CCDC134: variants seen among roughly 807,000 people sequenced by gnomAD.
CCDC134 encodes coiled-coil domain containing 134, also known as coiled-coil domain-containing protein 134.
A neutral mutation model predicts 25.6 loss-of-function variants in CCDC134; 27 were observed. The ratio of observed to expected loss-of-function variants is 1.05; its 90% confidence interval spans 0.78 to 1.45. The LOEUF (loss-of-function observed/expected upper bound fraction) is 1.45. Among genes scored for constraint, CCDC134 ranks in the 40% most tolerant of loss-of-function variants. The pLI is 0.00. For synonymous variants in CCDC134, 110 were observed against 115.0 expected (o/e 0.96, Z 0.28); for missense variants, 261 against 286.7 (o/e 0.91, Z 0.65).
chr22:41,802,641 G>A lies in CCDC134; in HGVS notation c.-17+1875G>A, dbSNP rs920413222. On this transcript the variant is annotated intron_variant, in intron 1 of 6. Coordinates refer to ENST00000255784, the MANE Select transcript of CCDC134 (RefSeq NM_024821.5). ...AAATATATATAAATAACATCCGGGC[G>A]CGGTGGCTCACACCTGTAATCCCAG... Among the ~76,000 whole-genome samples, 87 of 152,122 alleles carry A rather than the reference G, an allele frequency of 5.7e-4. 1 individual carries two copies. The highest frequency in any genetic ancestry group is 5.0e-3 in the Admixed American group (76 of 15,270).
At chr22:41,810,860 T>G (rs1204636286) in intron 4 of CCDC134, among the ~76,000 whole-genome samples, 1 of 152,128 alleles carries the variant, frequency 6.6e-6, no homozygotes, top group African/African-American at 2.4e-5. Flanking sequence ...TAGTAGATAC[T>G]TTACAACCAT....
At chr22:41,809,014 T>A in intron 2 of CCDC134, 21 bp downstream of exon 2, 1 of 1,580,382 alleles carries the variant, frequency 6.3e-7, no homozygotes, top group South Asian at 1.1e-5. Flanking sequence ...GGGTTGTAGT[T>A]AATGAGCTGT....
chr22:41,807,002 C>T (rs918257536), intron 1 of CCDC134, among the ~76,000 whole-genome samples: 2 of 152,070 alleles, frequency 1.3e-5, no homozygotes, highest in South Asian at 4.1e-4. Flanking sequence ...GAGCCGAGAT[C>T]GTGCCATTGC....
In CCDC134 at chr22:41,827,879, G is replaced by A. The variant is rs900094719; in HGVS notation, c.*2056G>A. 6.6e-6 allele frequency among the ~76,000 whole-genome samples: 1 copy of A among 152,208 alleles called. No individual in the cohort carries two copies. Among genetic ancestry groups the A allele is most frequent in the Non-Finnish European group, 1.5e-5 (1 of 68,032 alleles). The stretch of plus-strand genomic sequence containing the variant: ...CCCTGCCGGAAGGACCAGGCCAGTC[G>A]CTGTCCTTTTCATGCTAGAGAGTGG... On this transcript the variant is annotated 3_prime_UTR_variant, in exon 7 of 7. Coordinates refer to ENST00000255784, the MANE Select transcript of CCDC134 (RefSeq NM_024821.5).
chr22:41,824,577 T>G (rs1354784381), intron 6 of CCDC134, among the ~76,000 whole-genome samples: 1 of 152,208 alleles, frequency 6.6e-6, no homozygotes, highest in African/African-American at 2.4e-5. Flanking sequence ...CTGGCCAACA[T>G]AGCGCAACCC....
At position 41,825,771 on chromosome 22, in the gene CCDC134, G is replaced by T; in HGVS notation, c.638G>T (p.Arg213Leu). The T allele has an allele frequency of 3.1e-6, 5 of 1,614,216 alleles. No homozygotes were observed. The highest frequency in any genetic ancestry group is 4.2e-6 in the Non-Finnish European group (5 of 1,180,048). Reference protein sequence around the residue: ...EEKRRKKEEKRKEIRKGPRIS... With the variant: ...EEKRRKKEEKLKEIRKGPRIS... ...AAACGCCGAAAGAAAGAGGAGAAGCGGAAGGAGATCCGAAAAGGCCCAAGG... is the reference window on the plus strand; with the variant it reads ...AAACGCCGAAAGAAAGAGGAGAAGCTGAAGGAGATCCGAAAAGGCCCAAGG... The change falls in exon 7 of 7, where the codon CGG (arginine) becomes CTG (leucine). Residue 213 changes from arginine to leucine, a missense_variant. Physicochemically the swap from Arg to Leu is moderately radical, Grantham distance 102. Transcript: ENST00000255784. The surrounding 1 kb of genome is among the most constrained non-coding windows in gnomAD (Gnocchi z 4.4).
At chr22:41,821,190 G>A (rs556669564) in intron 6 of CCDC134, among the ~76,000 whole-genome samples, 37 of 152,222 alleles carry the variant, frequency 2.4e-4, no homozygotes, top group Non-Finnish European at 4.6e-4. Context: ...TGTTGAGGCC[G>A]CTGGTGGTCT....
At chr22:41,823,492 C>G (rs946604503) in intron 6 of CCDC134, among the ~76,000 whole-genome samples, 1 of 119,686 alleles carries the variant, frequency 8.4e-6, no homozygotes, top group African/African-American at 2.8e-5. Context: ...TCCCAAAATG[C>G]TGGGATTATA....
chr22:41,825,264 C>T lies in CCDC134; in HGVS notation c.565-434C>T, dbSNP rs955944539. On this transcript the variant is annotated intron_variant, in intron 6 of 6. Transcript: ENST00000255784. The surrounding 1 kb of genome is among the most constrained non-coding windows in gnomAD (Gnocchi z 4.4). ...AGAATGCCCCCACGCCACCCCCTAC[C>T]GCCAATGAAGTCCTCATCCTCCACC... is the stretch of plus-strand genomic sequence containing the variant. Among the ~76,000 whole-genome samples, 6 of 151,864 alleles carry T rather than the reference C, an allele frequency of 4.0e-5. No homozygotes were observed. Among genetic ancestry groups the T allele is most frequent in the African/African-American group, 9.7e-5 (4 of 41,310 alleles).
At chr22:41,815,973 G>A (rs1331966631) in intron 6 of CCDC134, among the ~76,000 whole-genome samples, 2 of 152,096 alleles carry the variant, frequency 1.3e-5, no homozygotes, top group Admixed American at 1.3e-4. Flanking sequence ...ATTGAACAGG[G>A]TCCTGGACTC....
chr22:41,805,364 C>G (rs755796385), intron 1 of CCDC134, among the ~76,000 whole-genome samples: 14 of 151,936 alleles, frequency 9.2e-5, no homozygotes, highest in Non-Finnish European at 1.8e-4. Context: ...CCTGGGAGGT[C>G]AAGGCTACAG....
At chr22:41,824,117 A>T (rs2076664897) in intron 6 of CCDC134, among the ~76,000 whole-genome samples, 1 of 152,166 alleles carries the variant, frequency 6.6e-6, no homozygotes, top group South Asian at 2.1e-4. Context: ...GCTGTCTGGG[A>T]GGGCGATGGG....
chr22:41,812,057 T>C (rs1021034619), intron 4 of CCDC134, among the ~76,000 whole-genome samples: 1 of 152,118 alleles, frequency 6.6e-6, no homozygotes, highest in African/African-American at 2.4e-5. Context: ...AAATTAAGTC[T>C]GTTAGGTTAG....
At chr22:41,808,578 C>T (rs567872501) in intron 1 of CCDC134, among the ~76,000 whole-genome samples, 3 of 152,316 alleles carry the variant, frequency 2.0e-5, no homozygotes, top group East Asian at 3.9e-4. Context: ...TGCTCGAGGT[C>T]CCAGAGACGG....
intron 4 of CCDC134, among the ~76,000 whole-genome samples, chr22:41,810,789 C>T (rs187564068): frequency 1.8e-4 from 27 of 152,196 alleles, no homozygotes; most frequent in Admixed American, 1.4e-3. Flanking sequence ...CCACTGCACC[C>T]GGCCACAATA....
intron 6 of CCDC134, among the ~76,000 whole-genome samples, chr22:41,815,204 C>CTTTTTTTTTTTTT (rs869174312): frequency 3.3e-5 from 4 of 122,140 alleles, no homozygotes; most frequent in African/African-American, 1.0e-4. Context: ...CTTTTCTTTT[C>CTTTTTTTTTTTTT]TTTTTTTTTT....
chr22:41,826,936 C>T lies in CCDC134; in HGVS notation c.*1113C>T, dbSNP rs2076682634. ...CCAGATCCCCTCGACACCCAGCCCC[C>T]TACCACTGACAGAGCACAAGTGAGA... On this transcript the variant is annotated 3_prime_UTR_variant, in exon 7 of 7. Coordinates refer to ENST00000255784, the MANE Select transcript of CCDC134 (RefSeq NM_024821.5). Among the ~76,000 whole-genome samples, 1 of 152,240 alleles carries T rather than the reference C, an allele frequency of 6.6e-6. No individual in the cohort carries two copies. Among genetic ancestry groups the T allele is most frequent in the Non-Finnish European group, 1.5e-5 (1 of 68,028 alleles).
chr22:41,816,909 T>C (rs1383395288), intron 6 of CCDC134, among the ~76,000 whole-genome samples: 1 of 152,118 alleles, frequency 6.6e-6, no homozygotes, highest in Non-Finnish European at 1.5e-5. Context: ...TGAGTGAGAC[T>C]GTCTCACAAA....
chr22:41,806,094 A>T lies in CCDC134; in HGVS notation c.-16-2781A>T, dbSNP rs188920345. ...AAGTTTTTAGAAACTTGTATTTAAG[A>T]TTACTTGTTAGAGTCTTCTTATGAA... On this transcript the variant is annotated intron_variant, in intron 1 of 6. Transcript: ENST00000255784. 2.1e-3 allele frequency among the ~76,000 whole-genome samples: 316 copies of T among 152,078 alleles called. 3 individuals are homozygous for T. Among genetic ancestry groups the T allele is most frequent in the Middle Eastern group, 0.017 (5 of 294 alleles).
Sources: gnomAD v4.1 joint callset for allele counts (sites outside exome capture counted in the v4.1 genomes callset) on GRCh38, gnomAD v4.1.1 for gene constraint, Gnocchi (gnomAD v3.1) non-coding constraint, MANE v1.5 for transcripts, NCBI Gene and HGNC (gene_info 2026-07-23, HGNC 2026-07-21) for gene names.